Variants in MTUS1 observed in about 807,000 individuals in gnomAD.
The protein encoded by MTUS1 is microtubule-associated tumor suppressor 1.
MTUS1 carries 109 observed loss-of-function variants against 120.8 expected under a neutral mutation model. The observed-to-expected ratio is 0.90, with a 90% confidence interval of 0.77 to 1.06. The LOEUF is 1.06. Among genes scored for constraint, MTUS1 ranks in the 50% least tolerant of loss-of-function variants. The pLI is 0.00. For missense variants in MTUS1, 2,210 were observed against 1,486.3 expected, an observed-to-expected ratio of 1.49 and a Z score of -8.01; for synonymous variants, 737 against 550.5, an observed-to-expected ratio of 1.34 and a Z score of -4.74.
intron 1 of MTUS1, among the ~76,000 whole-genome samples, chr8:17,771,970 C>T (rs1372856231): frequency 6.6e-6 from 1 of 152,198 alleles, no homozygotes; most frequent in African/African-American, 2.4e-5. Flanking sequence ...GGTCCATTTA[C>T]ATTAAAGATG....
At chr8:17,770,227 T>C (rs1183842712) in intron 1 of MTUS1, among the ~76,000 whole-genome samples, 1 of 152,166 alleles carries the variant, frequency 6.6e-6, no homozygotes, top group Non-Finnish European at 1.5e-5. Flanking sequence ...CTTTTCTGCA[T>C]AATCATCTTA....
intron 6 of MTUS1, among the ~76,000 whole-genome samples, chr8:17,687,620 C>G (rs911902772): frequency 1.3e-5 from 2 of 152,154 alleles, no homozygotes; most frequent in Non-Finnish European, 2.9e-5. Flanking sequence ...AATTAAACGT[C>G]AACTTCTATA....
intron 2 of MTUS1, among the ~76,000 whole-genome samples, chr8:17,745,353 G>A (rs543576042): frequency 8.5e-4 from 129 of 152,184 alleles, no homozygotes; most frequent in Non-Finnish European, 4.3e-4. Flanking sequence ...TCATCTCCAC[G>A]ATCATTACTT....
chr8:17,653,404 G>A (rs772809753), intron 11 of MTUS1, 21 bp downstream of exon 11: 24 of 1,579,728 alleles, frequency 1.5e-5, no homozygotes, highest in East Asian at 2.2e-5. Context: ...GGGGGATACT[G>A]GGATATTGAC....
intron 1 of MTUS1, among the ~76,000 whole-genome samples, chr8:17,784,786 G>GA (rs1326261022): frequency 1.1e-5 from 1 of 93,496 alleles, no homozygotes; most frequent in Non-Finnish European, 2.6e-5. Flanking sequence ...ATAACAAGAA[G>GA]AACTTTTTTT....
intron 6 of MTUS1, among the ~76,000 whole-genome samples, chr8:17,686,926 T>C (rs571855393): frequency 6.6e-6 from 1 of 152,182 alleles, no homozygotes; most frequent in Non-Finnish European, 1.5e-5. Context: ...GTAAATAAAA[T>C]CACTTTTAAC....
chr8:17,775,091 T>C (rs2050315710), intron 1 of MTUS1, among the ~76,000 whole-genome samples: 2 of 151,054 alleles, frequency 1.3e-5, no homozygotes, highest in African/African-American at 4.9e-5. Flanking sequence ...TACCAGGGGC[T>C]GGGGCAGGGG....
At chr8:17,750,545 G>A (rs1198296526) in intron 2 of MTUS1, among the ~76,000 whole-genome samples, 2 of 152,206 alleles carry the variant, frequency 1.3e-5, no homozygotes, top group African/African-American at 4.8e-5. Flanking sequence ...CAGGATTCAA[G>A]TGAGGGCTCT....
At chr8:17,677,597 G>A (rs796524809) in intron 7 of MTUS1, among the ~76,000 whole-genome samples, 13 of 152,270 alleles carry the variant, frequency 8.5e-5, no homozygotes, top group African/African-American at 3.1e-4. Flanking sequence ...TATTAAGGGA[G>A]GTTTTGGGAA....
In MTUS1 at chr8:17,754,364, A is replaced by G; in HGVS notation, c.1444T>C (p.Ser482Pro). The G allele has an allele frequency of 3.1e-6, 5 of 1,613,712 alleles. No individual in the cohort carries two copies. Among genetic ancestry groups the G allele is most frequent in the South Asian group, 1.1e-5 (1 of 91,052 alleles). Residue 482 changes from serine (S) to proline (P), a missense_variant, in exon 2 of 15, where the codon TCA (serine) becomes CCA (proline). Coordinates refer to ENST00000693296, the MANE Select transcript of MTUS1 (RefSeq NM_001363059.2). The part of the protein sequence containing the change: ...VNLCKPSLGK[S>P]TIKTNTPIGC... The stretch of plus-strand genomic sequence containing the variant: ...ATTGGGGTATTCGTTTTGATTGTTG[A>G]TTTTCCTAAACTGGGTTTACACAGG...
At position 17,754,958 on chromosome 8, in the gene MTUS1, C is replaced by T; in HGVS notation, c.850G>A (p.Val284Ile). Residue 284 changes from valine (V) to isoleucine (I), a missense_variant, in exon 2 of 15, where the codon GTT (valine) becomes ATT (isoleucine). Physicochemically the swap from Val to Ile is conservative, Grantham distance 29 (BLOSUM62 3). Transcript: ENST00000693296. Reference protein sequence around the residue: ...EYTDGSQQRLVGEKETQALTP... With the variant: ...EYTDGSQQRLIGEKETQALTP... ...AGTGCTTGTGTCTCCTTTTCTCCAA[C>T]TAGTCTTTGTTGTGATCCATCTGTG... 6.2e-7 allele frequency: 1 copy of T among 1,614,088 alleles called. No homozygotes were observed. The highest frequency in any genetic ancestry group is 1.3e-5 in the African/African-American group (1 of 75,046).
Position 17,756,676 on chromosome 8 carries a change from C to CCCCCA in MTUS1, c.-154-716_-154-715insTGGGG, listed in dbSNP as rs56822917. 4.8e-5 allele frequency among the ~76,000 whole-genome samples: 3 copies of CCCCCA among 62,432 alleles called. 1 individual carries two copies. Among genetic ancestry groups the CCCCCA allele is most frequent in the Non-Finnish European group, 1.3e-4 (3 of 23,624 alleles). The allele number at this position is 62,432 out of a possible 152,430, so 41.0% of individuals were successfully genotyped here. ...AATTCATATGTCAAGCCCAAACCCC[C>CCCCCA]ACCCCTTATGTAACTATGTTGGAGA... On this transcript the variant is annotated intron_variant, in intron 1 of 14. Transcript: ENST00000693296.
chr8:17,677,718 G>T (rs1405039443), intron 7 of MTUS1, among the ~76,000 whole-genome samples: 2 of 152,020 alleles, frequency 1.3e-5, no homozygotes, highest in African/African-American at 2.4e-5. Flanking sequence ...CCTCTGTCAG[G>T]CACAGTAACA....
chr8:17,789,981 C>T (rs2051636356), intron 1 of MTUS1, among the ~76,000 whole-genome samples: 1 of 152,216 alleles, frequency 6.6e-6, no homozygotes, highest in East Asian at 1.9e-4. Context: ...CTGGGATTAC[C>T]TCCATTTCCT....
At chr8:17,707,186 T>G (rs990467028) in intron 6 of MTUS1, among the ~76,000 whole-genome samples, 4 of 152,194 alleles carry the variant, frequency 2.6e-5, no homozygotes, top group Admixed American at 6.5e-5. Flanking sequence ...TGATTTTCAG[T>G]CACAGAATAT....
intron 6 of MTUS1, chr8:17,692,216 C>G (rs946114211): frequency 2.6e-5 from 4 of 152,154 alleles, no homozygotes; most frequent in Admixed American, 1.3e-4. Flanking sequence ...GGGACAGAGA[C>G]TAGAGAAGTC....
intron 1 of MTUS1, chr8:17,780,994 T>C (rs1022616189): frequency 6.6e-6 from 1 of 152,206 alleles, no homozygotes; most frequent in Admixed American, 6.5e-5. Flanking sequence ...TGGAAGAATC[T>C]AGGAAACTCA....
chr8:17,714,872 A>C (rs1585898608), intron 5 of MTUS1, among the ~76,000 whole-genome samples: 1 of 137,594 alleles, frequency 7.3e-6, no homozygotes, highest in East Asian at 2.2e-4. Flanking sequence ...GTTAAGCTTC[A>C]GTTCACTAAG....
At chr8:17,662,231 C>T (rs1809893775) in intron 8 of MTUS1, among the ~76,000 whole-genome samples, 3 of 152,084 alleles carry the variant, frequency 2.0e-5, no homozygotes, top group Admixed American at 2.0e-4. Flanking sequence ...TCAGACACCC[C>T]ACAAAGCCAA....
Sources: allele counts gnomAD v4.1 joint callset (sites outside exome capture counted in the v4.1 genomes callset), GRCh38; gene constraint gnomAD v4.1.1; transcripts MANE v1.5; gene names NCBI Gene and HGNC (gene_info 2026-07-23, HGNC 2026-07-21).